The following ZFYVE26 variants were observed in gnomAD, a reference collection of about 807,000 sequenced individuals.
The protein encoded by ZFYVE26 is zinc finger FYVE domain-containing protein 26.
In ZFYVE26, 181 loss-of-function variants were observed where a neutral mutation model predicts 276.5. The observed-to-expected ratio is 0.65, with a 90% CI of 0.58 to 0.74. The LOEUF (loss-of-function observed/expected upper bound fraction) is 0.74. ZFYVE26 is among the 30% of genes least tolerant of loss of function. ZFYVE26 has a pLI of 0.00. For synonymous variants in ZFYVE26, 1,129 were observed against 1,203.1 expected (o/e 0.94, Z 1.27); for missense variants, 2,821 against 3,097.9 (o/e 0.91, Z 2.12).
At position 67,798,563 on chromosome 14, in the gene ZFYVE26, G is replaced by C; in HGVS notation, c.1699C>G (p.Pro567Ala). 3 of 1,614,108 alleles carry C rather than the reference G, an allele frequency of 1.9e-6. No individual in the cohort carries two copies. The highest frequency in any genetic ancestry group is 2.5e-6 in the Non-Finnish European group (3 of 1,180,018). The change falls in exon 11 of 42, where the codon CCT becomes GCT. Residue 567 changes from proline to alanine, a missense_variant. Pro to Ala is a conservative substitution (Grantham distance 27, BLOSUM62 -1). Transcript: ENST00000347230. ...ARCQQYLCSIPDSLCLELLEN... is the reference protein window; with the variant it reads ...ARCQQYLCSIADSLCLELLEN... ...AGAAGCTCCAGGCACAGAGAGTCAG[G>C]AATACTGCACAGATACTGTTGACAC... is the stretch of plus-strand genomic sequence containing the variant.
At chr14:67,731,881 C>T (rs1485260509) in intron 13 of ZFYVE26, among the ~76,000 whole-genome samples, 1 of 151,850 alleles carries the variant, frequency 6.6e-6, no homozygotes, top group East Asian at 1.9e-4. Flanking sequence ...AATCCCAGCA[C>T]TTTGGGAGGC....
rs149524358 is a variant in ZFYVE26 at position 67,769,745 on chromosome 14, C to T, written c.5485-15G>A. 2.1e-4 allele frequency: 341 copies of T among 1,613,938 alleles called. No individual in the cohort carries two copies. Among genetic ancestry groups the T allele is most frequent in the Admixed American group, 7.2e-4 (43 of 60,010 alleles). ...CGCCTGTTAAACTGAGGAATGCCATCAGGAGGAGAAGAAAGAGGGAGGAGA... is the reference window on the plus strand; with the variant it reads ...CGCCTGTTAAACTGAGGAATGCCATTAGGAGGAGAAGAAAGAGGGAGGAGA... On this transcript the variant is annotated splice_polypyrimidine_tract_variant and intron_variant, in intron 28 of 41. Coordinates refer to ENST00000347230, the MANE Select transcript of ZFYVE26 (RefSeq NM_015346.4).
At chr14:67,804,308 T>C in intron 8 of ZFYVE26, 44 bp from the exon 9 acceptor site, 5 of 1,606,134 alleles carry the variant, frequency 3.1e-6, no homozygotes, top group Non-Finnish European at 3.4e-6. Flanking sequence ...CAGTTTATAT[T>C]ATTGCTCGAA....
At chr14:67,741,772 C>T (rs1373217621), downstream of ZFYVE26, among the ~76,000 whole-genome samples, 1 of 152,226 alleles carries the variant, frequency 6.6e-6, no homozygotes, top group African/African-American at 2.4e-5. Flanking sequence ...GACACATATT[C>T]ACTCAGACTC....
At chr14:67,765,762 G>C (rs919795874) in intron 32 of ZFYVE26, among the ~76,000 whole-genome samples, 2 of 152,194 alleles carry the variant, frequency 1.3e-5, no homozygotes, top group African/African-American at 4.8e-5. Context: ...CCAATTCCCA[G>C]AGTGCTTTTT....
chr14:67,812,227 A>G (rs973393290), intron 3 of ZFYVE26, among the ~76,000 whole-genome samples: 5 of 152,176 alleles, frequency 3.3e-5, no homozygotes, highest in Admixed American at 1.3e-4. Context: ...GTCCTATACT[A>G]TGGACATGGG....
At chr14:67,774,453 C>A (rs1218693929) in intron 27 of ZFYVE26, among the ~76,000 whole-genome samples, 1 of 151,854 alleles carries the variant, frequency 6.6e-6, no homozygotes, top group East Asian at 1.9e-4. Context: ...GAGCCGTGAT[C>A]GTGCCACTGC....
chr14:67,804,203 G>T lies in ZFYVE26; in HGVS notation c.1333C>A (p.Leu445Ile). The stretch of plus-strand genomic sequence containing the variant: ...TTTGTAAGGTGATGGAGAGTGTAGA[G>T]CACTGAGTGGCTGTCTCCACCGTGT... Reference protein sequence around the residue: ...HLHGGDSHSVLYTLHHLTNLP... With the variant: ...HLHGGDSHSVIYTLHHLTNLP... The change falls in exon 9 of 42, where the codon CTC becomes ATC. Residue 445 changes from leucine to isoleucine, a missense_variant. Transcript: ENST00000347230. The T allele has an allele frequency of 6.2e-7, 1 of 1,613,738 alleles. No homozygotes were observed.
intron 32 of ZFYVE26, among the ~76,000 whole-genome samples, chr14:67,764,699 T>C (rs1344299785): frequency 6.6e-6 from 1 of 152,068 alleles, no homozygotes; most frequent in African/African-American, 2.4e-5. Context: ...ATTCTTAGAG[T>C]GGGCGTGTCT....
At chr14:67,768,740 GTAATTCCTCC>G (rs942092749) in intron 29 of ZFYVE26, among the ~76,000 whole-genome samples, 192 bp from the exon 30 acceptor site, 1 of 152,098 alleles carries the variant, frequency 6.6e-6, no homozygotes, top group Non-Finnish European at 1.5e-5. Context: ...TGGTGTGTGG[GTAATTCCTCC>G]AGGAGGGAGG....
chr14:67,766,138 G>A (rs1433138317), intron 32 of ZFYVE26, 89 bp downstream of exon 32: 9 of 1,229,488 alleles, frequency 7.3e-6, no homozygotes, highest in Non-Finnish European at 1.1e-5. Flanking sequence ...AGAGAGGATG[G>A]TGAGATAAAA....
intron 34 of ZFYVE26, 138 bp downstream of exon 34, chr14:67,762,065 A>G: frequency 1.0e-6 from 1 of 980,580 alleles, no homozygotes; most frequent in Admixed American, 2.1e-5. Flanking sequence ...ATGTGATGGA[A>G]AAAAAAAATT....
chr14:67,807,536 C>G lies in ZFYVE26; in HGVS notation c.748G>C (p.Glu250Gln). The change falls in exon 5 of 42, where the codon GAG (glutamate) becomes CAG (glutamine). Residue 250 changes from glutamate to glutamine, a missense_variant. Physicochemically the swap from Glu to Gln is conservative, Grantham distance 29. Coordinates refer to ENST00000347230, the MANE Select transcript of ZFYVE26 (RefSeq NM_015346.4). ...CGCTCCTCCCGCAGGGGACTCCCCTCGGTCCTGCAGGCCTCTAGTAGTTCC... is the reference window on the plus strand; with the variant it reads ...CGCTCCTCCCGCAGGGGACTCCCCTGGGTCCTGCAGGCCTCTAGTAGTTCC... ...CEELLEACRT[E>Q]GSPLREERLL... is the part of the protein sequence containing the mutation. 1.2e-6 allele frequency: 2 copies of G among 1,614,210 alleles called. No individual in the cohort carries two copies. The highest frequency in any genetic ancestry group is 1.7e-6 in the Non-Finnish European group (2 of 1,180,026).
chr14:67,786,348 G>T, intron 16 of ZFYVE26, 115 bp from the exon 17 acceptor site: 1 of 1,304,864 alleles, frequency 7.7e-7, no homozygotes, highest in South Asian at 1.4e-5. Context: ...ATATTAAGGA[G>T]GAAATACATG....
chr14:67,762,036 T>C, intron 34 of ZFYVE26, 167 bp downstream of exon 34: 5 of 672,464 alleles, frequency 7.4e-6, no homozygotes, highest in South Asian at 1.7e-5. Flanking sequence ...TAACCATATA[T>C]GGTTACTTAT....
chr14:67,767,447 T>C (rs1566871855), intron 31 of ZFYVE26, among the ~76,000 whole-genome samples: 1 of 152,022 alleles, frequency 6.6e-6, no homozygotes, highest in Non-Finnish European at 1.5e-5. Context: ...CCCAGCTTTC[T>C]GCTTGTCACA....
intron 28 of ZFYVE26, among the ~76,000 whole-genome samples, chr14:67,771,006 G>A (rs1054246787): frequency 1.3e-5 from 2 of 151,622 alleles, no homozygotes; most frequent in African/African-American, 2.4e-5. Context: ...AGGGGCACAT[G>A]TGCAGGTTTG....
chr14:67,790,529 C>T, intron 15 of ZFYVE26, 43 bp downstream of exon 15: 1 of 1,607,836 alleles, frequency 6.2e-7, no homozygotes. Flanking sequence ...TACCCCCTCT[C>T]CCAGCCACCT....
chr14:67,784,249 C>G, intron 20 of ZFYVE26, 85 bp downstream of exon 20: 4 of 1,160,644 alleles, frequency 3.4e-6, no homozygotes, highest in Non-Finnish European at 5.2e-6. Context: ...TGTGCTAACC[C>G]CAAGCACCAC....
Sources: gnomAD v4.1 joint callset for allele counts (sites outside exome capture counted in the v4.1 genomes callset) on GRCh38, gnomAD v4.1.1 for gene constraint, MANE v1.5 for transcripts, NCBI Gene and HGNC (gene_info 2026-07-23, HGNC 2026-07-21) for gene names.